The following C19orf47 variants were observed in gnomAD, a reference collection of about 807,000 sequenced individuals.
The protein encoded by C19orf47 is chromosome 19 open reading frame 47.
Under a neutral mutation model 32.3 loss-of-function variants are expected in C19orf47, and 18 were observed. The observed-to-expected ratio is 0.56, with a 90% CI of 0.39 to 0.83. C19orf47 has a LOEUF of 0.83. Among genes scored for constraint, C19orf47 ranks in the 40% least tolerant of loss-of-function variants. The probability of loss-of-function intolerance (pLI) is 0.00; values close to 1 mark genes in which losing one functional copy is unlikely to be tolerated. For synonymous variants in C19orf47, 202 were observed against 211.1 expected (o/e 0.96, Z 0.37); for missense variants, 484 against 531.6 (o/e 0.91, Z 0.88).
intron 5 of C19orf47, among the ~76,000 whole-genome samples, chr19:40,330,285 G>A (rs2077923057): frequency 2.0e-5 from 3 of 150,712 alleles, no homozygotes; most frequent in African/African-American, 7.3e-5. Flanking sequence ...CTGGAGTGCA[G>A]TGGCGCGATC....
At chr19:40,316,440 C>T (rs138321899), downstream of C19orf47, among the ~76,000 whole-genome samples, 102 of 152,320 alleles carry the variant, frequency 6.7e-4, no homozygotes, top group African/African-American at 1.9e-3. Context: ...TCTCCTCATC[C>T]GTTTATGGGA....
intron 1 of C19orf47, among the ~76,000 whole-genome samples, chr19:40,347,483 A>T (rs1019472334): frequency 6.6e-6 from 1 of 152,032 alleles, no homozygotes; most frequent in African/African-American, 2.4e-5. Flanking sequence ...GGTGAGACGA[A>T]ATTGCACCAT....
At chr19:40,308,291 G>A in the C19orf47 span, among the ~76,000 whole-genome samples, 1 of 151,940 alleles carries the variant, frequency 6.6e-6, no homozygotes, top group Non-Finnish European at 1.5e-5. Flanking sequence ...GAGTAGCTGG[G>A]ATTACAGGCG....
chr19:40,339,866 T>C (rs905744807), intron 2 of C19orf47, among the ~76,000 whole-genome samples: 4 of 150,820 alleles, frequency 2.7e-5, no homozygotes, highest in Non-Finnish European at 5.9e-5. Context: ...AGCTACTCAA[T>C]CTGGAGGCTG....
chr19:40,315,264 T>C (rs1441126359), downstream of C19orf47, among the ~76,000 whole-genome samples: 1 of 152,206 alleles, frequency 6.6e-6, no homozygotes, highest in Non-Finnish European at 1.5e-5. Context: ...ACCACCCCAA[T>C]GTCAGATGTC....
chr19:40,346,928 C>T (rs2078308851), intron 1 of C19orf47, among the ~76,000 whole-genome samples: 1 of 152,012 alleles, frequency 6.6e-6, no homozygotes, highest in African/African-American at 2.4e-5. Context: ...GTTAAGTGTG[C>T]ATCAAATAAA....
downstream of C19orf47, among the ~76,000 whole-genome samples, chr19:40,316,424 C>T (rs2077662477): frequency 6.6e-6 from 1 of 152,238 alleles, no homozygotes; most frequent in South Asian, 2.1e-4. Context: ...GCTCGCTGCA[C>T]CACCATCTCC....
chr19:40,306,489 G>A, the C19orf47 span, among the ~76,000 whole-genome samples: 2 of 151,250 alleles, frequency 1.3e-5, no homozygotes, highest in Non-Finnish European at 2.9e-5. Context: ...TGCAACCTCC[G>A]CCTCCCGGGT....
In C19orf47 at chr19:40,321,858, G is replaced by A. The variant is rs201585245; in HGVS notation, c.*24C>T. On this transcript the variant is annotated 3_prime_UTR_variant, in exon 9 of 9. Coordinates refer to ENST00000683109, the MANE Select transcript of C19orf47 (RefSeq NM_001256441.2). ...AGGGCAGATGCCCGCAGGCTCTGCT[G>A]CCTGCACCCCGCCCACAGGTGGGCT... 12 of 1,535,202 alleles carry A rather than the reference G, an allele frequency of 7.8e-6. No homozygotes were observed. Among genetic ancestry groups the A allele is most frequent in the Admixed American group, 4.1e-5 (2 of 48,868 alleles).
At chr19:40,327,057 A>T (rs2077847032) in intron 6 of C19orf47, among the ~76,000 whole-genome samples, 1 of 125,192 alleles carries the variant, frequency 8.0e-6, no homozygotes, top group Non-Finnish European at 1.6e-5. Flanking sequence ...CTTGTTGCCC[A>T]GTCTGGAGTG....
At chr19:40,325,290 G>C (rs893314117) in intron 7 of C19orf47, among the ~76,000 whole-genome samples, 1 of 151,468 alleles carries the variant, frequency 6.6e-6, no homozygotes, top group Non-Finnish European at 1.5e-5. Context: ...AAAAGTTATA[G>C]AACAATACTT....
chr19:40,334,027 A>T, intron 4 of C19orf47, 98 bp from the exon 5 acceptor site: 1 of 850,952 alleles, frequency 1.2e-6, no homozygotes, highest in South Asian at 1.9e-5. Flanking sequence ...TGACTGCTAG[A>T]GAAGATTCTA....
intron 6 of C19orf47, among the ~76,000 whole-genome samples, chr19:40,327,050 G>C (rs763864114): frequency 3.8e-4 from 13 of 33,858 alleles, no homozygotes; most frequent in Non-Finnish European, 6.5e-4. Context: ...TTTTGTTCTT[G>C]TTGCCCAGTC....
chr19:40,333,274 A>AAAAT (rs61342452), intron 5 of C19orf47, among the ~76,000 whole-genome samples: 35,525 of 142,740 alleles, frequency 0.25, 5,517 homozygotes, highest in South Asian at 0.46. Context: ...AATAAATAAG[A>AAAAT]AAATAAATAA....
At chr19:40,327,434 G>A (rs535708394) in intron 6 of C19orf47, among the ~76,000 whole-genome samples, 33 of 151,936 alleles carry the variant, frequency 2.2e-4, no homozygotes, top group African/African-American at 7.5e-4. Flanking sequence ...GATTATAGGC[G>A]TGAGCCACCA....
chr19:40,346,264 T>C lies in C19orf47; in HGVS notation c.-34+2060A>G, dbSNP rs989094338. ...TTCAAGACCAGCCTGGCCAACATAG[T>C]GAAACCCCTCTCTACTAAAAATACA... is the stretch of plus-strand genomic sequence containing the variant. On this transcript the variant is annotated intron_variant, in intron 1 of 8. Coordinates refer to ENST00000683109, the MANE Select transcript of C19orf47 (RefSeq NM_001256441.2). 5.4e-5 allele frequency among the ~76,000 whole-genome samples: 8 copies of C among 147,808 alleles called. No homozygotes were observed. In the Admixed American group the frequency reaches 5.4e-4, roughly 10 times the overall value.
At chr19:40,314,682 A>G (rs2077650722), downstream of C19orf47, among the ~76,000 whole-genome samples, 1 of 152,198 alleles carries the variant, frequency 6.6e-6, no homozygotes, top group Admixed American at 6.5e-5. Context: ...CTTGCCCCCA[A>G]GGAGATGGAG....
downstream of C19orf47, among the ~76,000 whole-genome samples, chr19:40,315,999 CA>C (rs781735909): frequency 5.8e-4 from 79 of 135,718 alleles, no homozygotes; most frequent in African/African-American, 4.3e-4. Context: ...AAGTCTATTA[CA>C]AAAAAAAAAA....
chr19:40,306,073 C>A, the C19orf47 span, among the ~76,000 whole-genome samples: 1 of 150,920 alleles, frequency 6.6e-6, no homozygotes, highest in Admixed American at 6.6e-5. Flanking sequence ...ATCGCTTGAA[C>A]CCAGATGAAG....
Sources: gnomAD v4.1 joint callset for allele counts (sites outside exome capture counted in the v4.1 genomes callset) on GRCh38, gnomAD v4.1.1 for gene constraint, MANE v1.5 for transcripts, NCBI Gene and HGNC (gene_info 2026-07-23, HGNC 2026-07-21) for gene names.